KLF13: variants seen among roughly 807,000 people sequenced by gnomAD.
KLF13 encodes the protein KLF transcription factor 13, also known as Krueppel-like factor 13.
A neutral mutation model predicts 16.7 loss-of-function variants in KLF13; 8 were observed. The observed-to-expected ratio is 0.48, with a 90% CI of 0.28 to 0.87. The LOEUF (loss-of-function observed/expected upper bound fraction) is 0.87. Ranked by LOEUF, KLF13 falls within the 40% of genes least tolerant of loss-of-function variation. The probability of loss-of-function intolerance (pLI) is 0.10; values close to 1 mark genes in which losing one functional copy is unlikely to be tolerated. For missense variants in KLF13, 447 were observed against 452.2 expected (o/e 0.99, Z 0.10); for synonymous variants, 245 against 208.4 (o/e 1.18, Z -1.51).
intron 1 of KLF13, among the ~76,000 whole-genome samples, chr15:31,344,873 C>T (rs1032080362): frequency 4.6e-5 from 7 of 152,202 alleles, no homozygotes; most frequent in African/African-American, 1.2e-4. Context: ...CCAAGGAAGC[C>T]GCCTGAGTGG....
intron 1 of KLF13, among the ~76,000 whole-genome samples, chr15:31,365,560 A>G (rs1052082006): frequency 7.0e-6 from 1 of 141,878 alleles, no homozygotes; most frequent in Admixed American, 7.0e-5. Flanking sequence ...GGAGGTTCGC[A>G]GACAGAAAGA....
chr15:31,403,382 C>T (rs1394590880), intron 2 of KLF13: 2 of 152,204 alleles, frequency 1.3e-5, no homozygotes, highest in Non-Finnish European at 2.9e-5. Context: ...TTAGAGGCCC[C>T]ACCATACATG....
At chr15:31,351,093 G>A (rs1161436757) in intron 1 of KLF13, among the ~76,000 whole-genome samples, 2 of 152,318 alleles carry the variant, frequency 1.3e-5, no homozygotes, top group East Asian at 3.9e-4. Context: ...CAAGGCCTGG[G>A]AAACCTGAGT....
At chr15:31,332,492 C>G (rs11637074) in intron 1 of KLF13, among the ~76,000 whole-genome samples, 1 of 152,142 alleles carries the variant, frequency 6.6e-6, no homozygotes, top group Non-Finnish European at 1.5e-5. Flanking sequence ...GCTGGTGTGG[C>G]GCCATCTCCA....
chr15:31,418,524 T>C (rs970162823), intron 1 of KLF13, among the ~76,000 whole-genome samples: 1 of 152,096 alleles, frequency 6.6e-6, no homozygotes, highest in African/African-American at 2.4e-5. Context: ...CAAATAACAC[T>C]ATCAAGAATG....
At chr15:31,380,233 AGT>A (rs1488602272), downstream of KLF13, among the ~76,000 whole-genome samples, 13 of 152,202 alleles carry the variant, frequency 8.5e-5, no homozygotes, top group African/African-American at 3.1e-4. Context: ...CAGAGGTTGC[AGT>A]GAGCCGAGAT....
At chr15:31,378,733 C>T (rs563788050), downstream of KLF13, among the ~76,000 whole-genome samples, 7 of 152,316 alleles carry the variant, frequency 4.6e-5, no homozygotes, top group South Asian at 1.5e-3. Context: ...CACAGTCTCG[C>T]TGTGTAGCCC....
intron 1 of KLF13, chr15:31,420,169 C>T (rs1017663744): frequency 2.3e-5 from 12 of 524,510 alleles, no homozygotes; most frequent in East Asian, 4.6e-5. Context: ...CTAGTGTCGT[C>T]GCCACCCATA....
chr15:31,331,301 C>T (rs2038827627), intron 1 of KLF13, among the ~76,000 whole-genome samples: 2 of 152,198 alleles, frequency 1.3e-5, no homozygotes, highest in African/African-American at 4.8e-5. Context: ...GGTCACCTGG[C>T]CCTGTTTGGG....
At chr15:31,379,092 G>A (rs1423972734), downstream of KLF13, among the ~76,000 whole-genome samples, 1 of 152,132 alleles carries the variant, frequency 6.6e-6, no homozygotes, top group African/African-American at 2.4e-5. Flanking sequence ...TACAGGCATC[G>A]CAGTTGATTA....
At chr15:31,365,522 A>G (rs1039968455) in intron 1 of KLF13, among the ~76,000 whole-genome samples, 5 of 152,128 alleles carry the variant, frequency 3.3e-5, no homozygotes, top group African/African-American at 1.2e-4. Context: ...AAACATTGCA[A>G]AAATGACCAC....
In KLF13 at chr15:31,327,475, C is replaced by A; in HGVS notation, c.263C>A (p.Ala88Glu). The A allele has an allele frequency of 1.7e-6, 2 of 1,207,762 alleles. No individual in the cohort carries two copies. The highest frequency in any genetic ancestry group is 2.1e-6 in the Non-Finnish European group (2 of 972,646). The allele number at this position is 1,207,762 out of a possible 1,614,324, so 74.8% of individuals were successfully genotyped here. A position where few individuals can be genotyped will look rare whatever the true frequency, so the allele number is the denominator to read the frequency against. ...PAPAERREGAAARKARTPCRL... is the reference protein window; with the variant it reads ...PAPAERREGAEARKARTPCRL... ...CCGGCGGAGCGCAGGGAGGGCGCCG[C>A]GGCCCGGAAGGCGAGGACCCCCTGC... The change falls in exon 1 of 2, where the codon GCG becomes GAG. Residue 88 changes from alanine to glutamate, a missense_variant. Physicochemically the swap from Ala to Glu is moderately radical, Grantham distance 107 (BLOSUM62 -1). Coordinates refer to ENST00000307145, the MANE Select transcript of KLF13 (RefSeq NM_015995.4).
intron 1 of KLF13, among the ~76,000 whole-genome samples, chr15:31,410,139 C>T (rs1055667595): frequency 6.6e-6 from 1 of 151,914 alleles, no homozygotes; most frequent in Non-Finnish European, 1.5e-5. Context: ...ACAATAAGCT[C>T]CTTATACTAC....
chr15:31,337,748 C>G (rs907494494), intron 1 of KLF13, among the ~76,000 whole-genome samples: 1 of 152,182 alleles, frequency 6.6e-6, no homozygotes, highest in African/African-American at 2.4e-5. Flanking sequence ...GGGGTGTCGT[C>G]TTATGGGACC....
chr15:31,388,473 G>T (rs1308328179), upstream of KLF13, among the ~76,000 whole-genome samples: 1 of 151,860 alleles, frequency 6.6e-6, no homozygotes, highest in African/African-American at 2.4e-5. Context: ...AATTAGCCGG[G>T]TGCGGTGGTG....
chr15:31,417,771 C>T (rs1291801061), intron 1 of KLF13, among the ~76,000 whole-genome samples: 1 of 152,050 alleles, frequency 6.6e-6, no homozygotes, highest in East Asian at 1.9e-4. Context: ...GTCTGGAACT[C>T]CTGACCTTAG....
intron 1 of KLF13, among the ~76,000 whole-genome samples, chr15:31,349,153 A>G (rs1272387023): frequency 6.6e-6 from 1 of 152,142 alleles, no homozygotes; most frequent in East Asian, 1.9e-4. Context: ...GGGGTACTGT[A>G]TCCTCTGCAG....
intron 1 of KLF13, among the ~76,000 whole-genome samples, chr15:31,415,155 C>T (rs2040240496): frequency 6.6e-6 from 1 of 152,156 alleles, no homozygotes; most frequent in South Asian, 2.1e-4. Context: ...GCCGTGAGTC[C>T]ATGAGTGAAA....
In KLF13 at chr15:31,327,603, C is replaced by T. The variant is rs1461944192; in HGVS notation, c.391C>T (p.Leu131=). 6.9e-6 allele frequency: 9 copies of T among 1,301,738 alleles called. No individual in the cohort carries two copies. The highest frequency in any genetic ancestry group is 6.8e-5 in the East Asian group (2 of 29,348). The allele number at this position is 1,301,738 out of a possible 1,614,324, so 80.6% of individuals were successfully genotyped here. A position where few individuals can be genotyped will look rare whatever the true frequency, so the allele number is the denominator to read the frequency against. ...GAGCGAGCCGGAGCCCGAGGCGGGGCTGGAGCCCGAGCGGGAGCCGGGGCC... is the reference window on the plus strand; with the variant it reads ...GAGCGAGCCGGAGCCCGAGGCGGGGTTGGAGCCCGAGCGGGAGCCGGGGCC... ...AWSEPEPEAG[L]EPEREPGPAG... The change falls in exon 1 of 2, where the codon CTG becomes TTG. Residue 131 remains leucine, a synonymous_variant. Coordinates refer to ENST00000307145, the MANE Select transcript of KLF13 (RefSeq NM_015995.4).
Sources: allele counts gnomAD v4.1 joint callset (sites outside exome capture counted in the v4.1 genomes callset), GRCh38; gene constraint gnomAD v4.1.1; transcripts MANE v1.5; gene names NCBI Gene and HGNC (gene_info 2026-07-23, HGNC 2026-07-21).